The following NPAS3 variants were observed in gnomAD, a reference collection of about 807,000 sequenced individuals.
NPAS3 encodes the protein neuronal PAS domain-containing protein 3.
A neutral mutation model predicts 73.1 loss-of-function variants in NPAS3; 14 were observed. The ratio of observed to expected loss-of-function variants is 0.19; its 90% CI spans 0.13 to 0.30. NPAS3 has a LOEUF of 0.30. NPAS3 is among the 10% of genes least tolerant of loss of function. The pLI is 1.00. For missense variants in NPAS3, 1,096 were observed against 1,250.0 expected (o/e 0.88, Z 1.86); for synonymous variants, 620 against 541.5 (o/e 1.14, Z -2.01).
At chr14:33,680,383 C>T (rs538319106) in intron 6 of NPAS3, among the ~76,000 whole-genome samples, 17 of 152,254 alleles carry the variant, frequency 1.1e-4, no homozygotes, top group Non-Finnish European at 2.1e-4. Flanking sequence ...TAAAGACCAC[C>T]ACCATCCCAA....
chr14:33,176,860 T>C (rs893379040), intron 2 of NPAS3, among the ~76,000 whole-genome samples: 2 of 152,148 alleles, frequency 1.3e-5, no homozygotes, highest in African/African-American at 4.8e-5. Context: ...TTTCAGTTTC[T>C]CCATATCCTT....
intron 3 of NPAS3, among the ~76,000 whole-genome samples, chr14:33,298,022 C>T (rs910517059): frequency 6.6e-6 from 1 of 152,264 alleles, no homozygotes; most frequent in East Asian, 1.9e-4. Context: ...TGGCGCACAG[C>T]TGTAATCCCA....
intron 5 of NPAS3, among the ~76,000 whole-genome samples, chr14:33,631,601 G>A (rs751442432): frequency 2.0e-5 from 3 of 152,174 alleles, no homozygotes; most frequent in East Asian, 1.9e-4. Flanking sequence ...CAACCAGCTC[G>A]AAGTGGGAGC....
intron 9 of NPAS3, among the ~76,000 whole-genome samples, chr14:33,781,751 G>C (rs1284321680): frequency 6.6e-6 from 1 of 152,132 alleles, no homozygotes; most frequent in Non-Finnish European, 1.5e-5. Context: ...GCCCCAGTTT[G>C]ATAAAGCGTT....
At chr14:33,739,489 A>C (rs2061603345) in intron 7 of NPAS3, among the ~76,000 whole-genome samples, 1 of 152,216 alleles carries the variant, frequency 6.6e-6, no homozygotes, top group Non-Finnish European at 1.5e-5. Context: ...AGAAGGTGCT[A>C]ATTAGCTAAG....
intron 2 of NPAS3, among the ~76,000 whole-genome samples, chr14:33,172,271 C>T (rs2045419570): frequency 6.6e-6 from 1 of 152,174 alleles, no homozygotes; most frequent in African/African-American, 2.4e-5. Context: ...TTGTAAAAAG[C>T]ACAGTATATG....
intron 5 of NPAS3, among the ~76,000 whole-genome samples, chr14:33,644,779 T>G (rs1384075256): frequency 6.6e-6 from 1 of 151,694 alleles, no homozygotes; most frequent in African/African-American, 2.4e-5. Flanking sequence ...AAAAAGAAAA[T>G]GCTAATCAAG....
chr14:33,632,515 A>G (rs1287187143), intron 5 of NPAS3, among the ~76,000 whole-genome samples: 1 of 152,096 alleles, frequency 6.6e-6, no homozygotes, highest in Non-Finnish European at 1.5e-5. Context: ...CACTTCAGTG[A>G]TCTCTTTTCT....
intron 5 of NPAS3, among the ~76,000 whole-genome samples, chr14:33,598,633 G>A (rs1406540678): frequency 6.6e-6 from 1 of 152,160 alleles, no homozygotes; most frequent in Non-Finnish European, 1.5e-5. Context: ...ATGCATTTTT[G>A]GTGCTGGGAC....
chr14:33,424,841 G>C (rs2048492391), intron 4 of NPAS3, among the ~76,000 whole-genome samples: 1 of 151,884 alleles, frequency 6.6e-6, no homozygotes, highest in Admixed American at 6.6e-5. Flanking sequence ...GAGCCCACAG[G>C]GGGATTAGTG....
intron 1 of NPAS3, among the ~76,000 whole-genome samples, chr14:33,054,442 G>C (rs544534865): frequency 6.6e-6 from 1 of 152,018 alleles, no homozygotes; most frequent in Non-Finnish European, 1.5e-5. Flanking sequence ...TATATAGTTT[G>C]AATATAACAC....
chr14:33,655,970 A>G (rs1467217664), intron 5 of NPAS3, among the ~76,000 whole-genome samples: 2 of 152,154 alleles, frequency 1.3e-5, no homozygotes, highest in East Asian at 3.8e-4. Flanking sequence ...GCCATAGTCT[A>G]AATAGGGACA....
chr14:33,404,444 C>A (rs965639227), intron 4 of NPAS3, among the ~76,000 whole-genome samples: 2 of 152,072 alleles, frequency 1.3e-5, no homozygotes, highest in Non-Finnish European at 2.9e-5. Flanking sequence ...CTTTATTAAT[C>A]AAAATTCTGT....
At chr14:33,204,743 C>T (rs902785176) in intron 2 of NPAS3, among the ~76,000 whole-genome samples, 3 of 152,092 alleles carry the variant, frequency 2.0e-5, no homozygotes, top group Non-Finnish European at 2.9e-5. Flanking sequence ...CGGACTCAAT[C>T]GTCTGGTTAA....
rs548339191 is a variant in NPAS3 at position 33,641,717 on chromosome 14, A to G, written c.559-34494A>G. Reference sequence around the variant, plus strand: ...GATGCTCCTAATTTTCTCGGTGTTTATTTCTGTCTATGGTCTCCTGACACT... The same window carrying G: ...GATGCTCCTAATTTTCTCGGTGTTTGTTTCTGTCTATGGTCTCCTGACACT... On this transcript the variant is annotated intron_variant, in intron 5 of 11. Transcript: ENST00000356141. Among the ~76,000 whole-genome samples, 7 of 151,978 alleles carry G rather than the reference A, an allele frequency of 4.6e-5. No homozygotes were observed. The East Asian group carries it at 1.4e-3, about 29-fold the overall frequency.
chr14:33,608,252 G>C (rs748556889), intron 5 of NPAS3, among the ~76,000 whole-genome samples: 1 of 152,044 alleles, frequency 6.6e-6, no homozygotes. Context: ...GTCTTATGTT[G>C]CTTTCCAGTC....
chr14:33,414,843 C>A (rs1293016400), intron 4 of NPAS3, among the ~76,000 whole-genome samples: 1 of 152,118 alleles, frequency 6.6e-6, no homozygotes, highest in Middle Eastern at 3.4e-3. Context: ...ATCAGTAAAC[C>A]TTTAAACAAT....
intron 5 of NPAS3, among the ~76,000 whole-genome samples, chr14:33,654,491 GA>G (rs575353578): frequency 6.6e-6 from 1 of 151,946 alleles, no homozygotes; most frequent in East Asian, 1.9e-4. Flanking sequence ...TTCCAGTGGT[GA>G]AAAAAAGTGA....
At chr14:33,178,061 T>C (rs2045656309) in intron 2 of NPAS3, among the ~76,000 whole-genome samples, 1 of 149,030 alleles carries the variant, frequency 6.7e-6, no homozygotes, top group Admixed American at 7.0e-5. Flanking sequence ...TTGATAGGCA[T>C]TGAAGTGAAT....
Sources: gnomAD v4.1 joint callset for allele counts (sites outside exome capture counted in the v4.1 genomes callset) on GRCh38, gnomAD v4.1.1 for gene constraint, MANE v1.5 for transcripts, NCBI Gene and HGNC (gene_info 2026-07-23, HGNC 2026-07-21) for gene names.